FLYWCH1: variants seen among roughly 807,000 people sequenced by gnomAD.
FLYWCH1 encodes FLYWCH-type zinc finger-containing protein 1.
In FLYWCH1, 75 loss-of-function variants were observed where a neutral mutation model predicts 66.4. That is an observed-to-expected ratio of 1.13 (90% CI 0.94 to 1.37). The LOEUF (loss-of-function observed/expected upper bound fraction) is 1.37. Among genes scored for constraint, FLYWCH1 ranks in the 40% most tolerant of loss-of-function variants. The pLI, the probability that FLYWCH1 is intolerant of heterozygous loss-of-function variation, is 0.00. For missense variants in FLYWCH1, 1,334 were observed against 1,001.8 expected (o/e 1.33, Z -4.48); for synonymous variants, 595 against 429.9 (o/e 1.38, Z -4.75).
intron 9 of FLYWCH1, 150 bp downstream of exon 9, chr16:2,940,242 ATT>A (rs745545133): frequency 1.8e-6 from 1 of 568,720 alleles, no homozygotes; most frequent in Non-Finnish European, 3.2e-6. Context: ...GTTGAAGAGA[ATT>A]TGTCAGCCAG....
chr16:2,921,974 A>G lies in FLYWCH1; in HGVS notation c.-73-7639A>G, dbSNP rs1328710149. Among the ~76,000 whole-genome samples, 7 of 152,120 alleles carry G rather than the reference A, an allele frequency of 4.6e-5. No individual in the cohort carries two copies. The South Asian group carries it at 1.5e-3, about 32-fold the overall frequency. ...GCTACTCAGGAGGCTGAGGCGGGAG[A>G]ATCACTTGAACCCGGGAGGCAGAGG... On this transcript the variant is annotated intron_variant, in intron 2 of 9. Coordinates refer to ENST00000253928, the MANE Select transcript of FLYWCH1 (RefSeq NM_001308068.2).
intron 2 of FLYWCH1, among the ~76,000 whole-genome samples, chr16:2,929,297 C>T (rs1027711233): frequency 3.9e-5 from 6 of 152,140 alleles, no homozygotes; most frequent in Admixed American, 1.3e-4. Context: ...GGACTGGAAA[C>T]GCGGGTGGAA....
chr16:2,933,703 T>A lies in FLYWCH1; in HGVS notation c.1250-13T>A, dbSNP rs543661520. 1 of 1,608,036 alleles carries A rather than the reference T, an allele frequency of 6.2e-7. No homozygotes were observed. Among genetic ancestry groups the A allele is most frequent in the African/African-American group, 1.3e-5 (1 of 74,846 alleles). On this transcript the variant is annotated splice_polypyrimidine_tract_variant and intron_variant, in intron 5 of 9. Coordinates refer to ENST00000253928, the MANE Select transcript of FLYWCH1 (RefSeq NM_001308068.2). The stretch of plus-strand genomic sequence containing the variant: ...CCTGTCCCCTCCCCTGACTGCCTCT[T>A]GAACCTCCCCAGGAGGCCCTGAGTT...
At chr16:2,938,542 A>G in intron 8 of FLYWCH1, 86 bp downstream of exon 8, 1 of 1,258,496 alleles carries the variant, frequency 7.9e-7, no homozygotes, top group Admixed American at 2.8e-5. Context: ...CCAGGCACCC[A>G]CTGAGCAGAC....
In FLYWCH1 at chr16:2,933,458, C is replaced by T. The variant is rs192158455; in HGVS notation, c.1125C>T (p.Arg375=). 944 of 1,602,108 alleles carry T rather than the reference C, an allele frequency of 5.9e-4. 8 individuals are homozygous for T. In the East Asian group the frequency reaches 0.019, roughly 32 times the overall value. ...LLRGVDSLLY[R]RGPGPLTLTR... is the part of the protein sequence containing the mutation. ...GAGGCGTGGATAGTTTGCTCTACCG[C>T]AGGGGTCCGGGTCCCCTGACTCTCA... The change falls in exon 5 of 10, where the codon CGC becomes CGT. Residue 375 remains arginine, a synonymous_variant. Transcript: ENST00000253928.
rs1290893078 is a variant in FLYWCH1 at position 2,936,555 on chromosome 16, G to A, written c.1514-566G>A. 5 of 454,780 alleles carry A rather than the reference G, an allele frequency of 1.1e-5. No homozygotes were observed. In the Admixed American group the frequency reaches 1.2e-4, roughly 11 times the overall value. The allele number at this position is 454,780 out of a possible 1,614,324, so 28.2% of individuals were successfully genotyped here. On this transcript the variant is annotated intron_variant, in intron 6 of 9. Transcript: ENST00000253928. ...TGCCCCAGGCCACCTCCCCACCTCT[G>A]TGGCCCCTGAGCCTGCACGGAGGAA...
intron 9 of FLYWCH1, chr16:2,943,354 T>A (rs536583056): frequency 1.1e-3 from 162 of 151,986 alleles, no homozygotes; most frequent in African/African-American, 3.8e-3. Flanking sequence ...TCACCCCAAA[T>A]GCATCTTCCT....
chr16:2,926,027 A>C (rs1169459472), intron 2 of FLYWCH1, among the ~76,000 whole-genome samples: 1 of 152,116 alleles, frequency 6.6e-6, no homozygotes, highest in Admixed American at 6.5e-5. Context: ...CCATCTGCCC[A>C]CACTCAGTTG....
chr16:2,940,109 T>C lies in FLYWCH1; in HGVS notation c.2111+17T>C, dbSNP rs1338467906. Reference sequence around the variant, plus strand: ...GATTTATGGGTAATTGTATTTGTTATCTAATGGTGCATGACCAATTACAAC... The same window carrying C: ...GATTTATGGGTAATTGTATTTGTTACCTAATGGTGCATGACCAATTACAAC... On this transcript the variant is annotated intron_variant, in intron 9 of 9. Coordinates refer to ENST00000253928, the MANE Select transcript of FLYWCH1 (RefSeq NM_001308068.2). 2.7e-6 allele frequency: 3 copies of C among 1,121,712 alleles called. No homozygotes were observed. The highest frequency in any genetic ancestry group is 3.1e-5 in the African/African-American group (2 of 65,472). The allele number at this position is 1,121,712 out of a possible 1,614,324, so 69.5% of individuals were successfully genotyped here.
intron 6 of FLYWCH1, chr16:2,934,750 C>G (rs963986155): frequency 2.2e-6 from 1 of 446,142 alleles, no homozygotes; most frequent in South Asian, 1.6e-5. Flanking sequence ...TCCAGAGAGA[C>G]AGTGCTGCGA....
Position 2,930,006 on chromosome 16 carries a change from T to G in FLYWCH1, c.321T>G (p.Asp107Glu). The G allele has an allele frequency of 6.2e-7, 1 of 1,603,126 alleles. No homozygotes were observed. Among genetic ancestry groups the G allele is most frequent in the Non-Finnish European group, 8.5e-7 (1 of 1,171,990 alleles). ...CTGAACAGAAGTGCAGCAAGCTGGA[T>G]GCAGGTGAGGTGTGGCTTCCCGCCC... Reference protein sequence around the residue: ...EMPEQKCSKLDAAAPQSLEFL... With the variant: ...EMPEQKCSKLEAAAPQSLEFL... Residue 107 changes from aspartate (D) to glutamate (E), a missense_variant, in exon 3 of 10, where the codon GAT (aspartate) becomes GAG (glutamate). By Grantham distance (45) the Asp-to-Glu change is conservative (BLOSUM62 2). Coordinates refer to ENST00000253928, the MANE Select transcript of FLYWCH1 (RefSeq NM_001308068.2).
At chr16:2,936,550 C>G (rs1343294604) in intron 6 of FLYWCH1, 3 of 455,848 alleles carry the variant, frequency 6.6e-6, no homozygotes, top group Non-Finnish European at 1.3e-5. Context: ...CACCTCCCCA[C>G]CTCTGTGGCC....
chr16:2,940,529 G>C (rs558545526), intron 9 of FLYWCH1, among the ~76,000 whole-genome samples: 1 of 152,156 alleles, frequency 6.6e-6, no homozygotes, highest in South Asian at 2.1e-4. Flanking sequence ...TCTACCTTCC[G>C]GGTTCAAGCA....
rs752350724 is a variant in FLYWCH1, at chr16:2,941,805, G to A, written c.2111+1713G>A. Among the ~76,000 whole-genome samples, 10 of 151,862 alleles carry A rather than the reference G, an allele frequency of 6.6e-5. No homozygotes were observed. In the East Asian group the frequency reaches 1.2e-3, roughly 18 times the overall value. On this transcript the variant is annotated intron_variant, in intron 9 of 9. Coordinates refer to ENST00000253928, the MANE Select transcript of FLYWCH1 (RefSeq NM_001308068.2). ...TGGGAGACCGAGGGAGGTAGATCAC[G>A]AGACCACGGGTTCAAGACCAGCCTG...
chr16:2,945,672 C>T (rs2071450397), intron 9 of FLYWCH1, among the ~76,000 whole-genome samples: 1 of 150,204 alleles, frequency 6.7e-6, no homozygotes, highest in Non-Finnish European at 1.5e-5. Flanking sequence ...AAATTAAAGT[C>T]CAACTTAAAA....
At chr16:2,937,431 C>T (rs769653850) in intron 7 of FLYWCH1, 47 bp downstream of exon 7, 2 of 1,476,684 alleles carry the variant, frequency 1.4e-6, no homozygotes, top group Non-Finnish European at 8.9e-7. Context: ...CTCCCAGGAC[C>T]TGTGCCCCAC....
intron 4 of FLYWCH1, 90 bp downstream of exon 4, chr16:2,930,970 AG>A (rs2048130814): frequency 1.1e-5 from 11 of 1,015,058 alleles, no homozygotes; most frequent in Non-Finnish European, 1.5e-5. Context: ...GGGGTCCCAC[AG>A]GGTCTTTTAA....
At chr16:2,948,492 G>T (rs150806061) in intron 9 of FLYWCH1, among the ~76,000 whole-genome samples, 196 bp from the exon 10 acceptor site, 2,373 of 152,234 alleles carry the variant, frequency 0.016, 26 homozygotes, top group Non-Finnish European at 0.027. Flanking sequence ...GAACCCAGGA[G>T]GCGGGGGGTG....
chr16:2,923,019 G>A (rs1329755283), intron 2 of FLYWCH1: 1 of 461,002 alleles, frequency 2.2e-6, no homozygotes, highest in East Asian at 5.7e-5. Flanking sequence ...TTTTTTTGGG[G>A]GGGCTGTTGT....
Sources: allele counts gnomAD v4.1 joint callset (sites outside exome capture counted in the v4.1 genomes callset), GRCh38; gene constraint gnomAD v4.1.1; transcripts MANE v1.5; gene names NCBI Gene and HGNC (gene_info 2026-07-23, HGNC 2026-07-21).